AXIN1: variants seen among roughly 807,000 people sequenced by gnomAD.
AXIN1 encodes the protein axin-1.
Under a neutral mutation model 76.4 loss-of-function variants are expected in AXIN1, and 30 were observed. The ratio of observed to expected loss-of-function variants is 0.39; its 90% CI spans 0.29 to 0.53. AXIN1 has a LOEUF of 0.53. Among genes scored for constraint, AXIN1 ranks in the 20% least tolerant of loss-of-function variants. The pLI is 0.66. For synonymous variants in AXIN1, 545 were observed against 501.4 expected (o/e 1.09, Z -1.16); for missense variants, 1,140 against 1,198.8 (o/e 0.95, Z 0.72).
chr16:297,327 T>C (rs1036316821), intron 6 of AXIN1, 101 bp from the exon 7 acceptor site: 1 of 1,501,248 alleles, frequency 6.7e-7, no homozygotes. Context: ...AAGGCTCCCG[T>C]GGTGCAGCCG....
intron 2 of AXIN1, among the ~76,000 whole-genome samples, chr16:322,691 G>A (rs2053485932): frequency 6.6e-6 from 1 of 152,230 alleles, no homozygotes; most frequent in South Asian, 2.1e-4. Context: ...GAGGATGGTG[G>A]GTGAATCCTA....
At chr16:294,625 G>T (rs1260567446) in intron 7 of AXIN1, among the ~76,000 whole-genome samples, 1 of 151,270 alleles carries the variant, frequency 6.6e-6, no homozygotes, top group African/African-American at 2.4e-5. Flanking sequence ...CATAATAGTG[G>T]GTGCCTGTAA....
chr16:293,460 C>T lies in AXIN1; in HGVS notation c.2186+28G>A, dbSNP rs995675589. On this transcript the variant is annotated intron_variant, in intron 8 of 10. Transcript: ENST00000262320. This position sits in a 1 kb window ranked among gnomAD's most constrained non-coding sequence, Gnocchi z 4.6. The stretch of plus-strand genomic sequence containing the variant: ...AGTGGTGCTGTGGTAACCCCCAAGA[C>T]CCACCCCACCCCACGACGCGGCCGT... The T allele has an allele frequency of 1.3e-6, 2 of 1,597,450 alleles. No individual in the cohort carries two copies. The highest frequency in any genetic ancestry group is 1.3e-5 in the African/African-American group (1 of 74,782).
chr16:307,656 T>C (rs774655598), intron 4 of AXIN1, among the ~76,000 whole-genome samples: 8 of 152,194 alleles, frequency 5.3e-5, no homozygotes, highest in Non-Finnish European at 4.4e-5. Context: ...TGGGCCTCCG[T>C]GGGTGCAGCC....
intron 4 of AXIN1, 67 bp from the exon 5 acceptor site, chr16:304,508 G>A (rs1597017160): frequency 1.2e-6 from 2 of 1,605,978 alleles, no homozygotes; most frequent in South Asian, 1.1e-5. Flanking sequence ...CTTTGTGAAG[G>A]GAAAGAGCGT....
chr16:326,394 T>TATATATATATACACACAC (rs144093618), intron 2 of AXIN1, among the ~76,000 whole-genome samples: 2 of 119,654 alleles, frequency 1.7e-5, no homozygotes, highest in Non-Finnish European at 3.4e-5. Flanking sequence ...TATATATATA[T>TATATATATATACACACAC]ACACACCTAT....
chr16:297,094 C>T lies in AXIN1; in HGVS notation c.1917G>A (p.Gly639=), dbSNP rs1460682412. ...NQKIMQWIIE[G]EKEISRHRRT... ...TGCGGTGCCTGCTGATCTCCTTTTC[C>T]CCCTCAATGATCCACTGCATGATTT... Residue 639 remains glycine (G), a synonymous_variant, in exon 7 of 11, where the codon GGG becomes GGA. Transcript: ENST00000262320. The T allele has an allele frequency of 1.2e-6, 2 of 1,612,670 alleles. No individual in the cohort carries two copies. Among genetic ancestry groups the T allele is most frequent in the Non-Finnish European group, 8.5e-7 (1 of 1,179,924 alleles).
At chr16:343,944 G>A (rs918360730) in intron 2 of AXIN1, among the ~76,000 whole-genome samples, 1 of 150,916 alleles carries the variant, frequency 6.6e-6, no homozygotes, top group Non-Finnish European at 1.5e-5. Flanking sequence ...AAGTTGCAGT[G>A]AGCCGAGATA....
At chr16:349,482 A>C (rs1203910208) in intron 1 of AXIN1, among the ~76,000 whole-genome samples, 4 of 152,204 alleles carry the variant, frequency 2.6e-5, no homozygotes, top group Non-Finnish European at 5.9e-5. Context: ...ATGTACTACC[A>C]TTCACTAGCT....
At chr16:332,393 C>G (rs568975726) in intron 2 of AXIN1, among the ~76,000 whole-genome samples, 1 of 151,668 alleles carries the variant, frequency 6.6e-6, no homozygotes, top group Non-Finnish European at 1.5e-5. Flanking sequence ...CTGGCTAACA[C>G]AGTGAAACCC....
rs1160412100 is a variant in AXIN1, at chr16:287,881, T to C, written c.*241A>G. On this transcript the variant is annotated 3_prime_UTR_variant, in exon 11 of 11. Transcript: ENST00000262320. ...GGGACCTCGGCTGCCTCACTTGGGCTGGGCCCTCCAAGTATTGCTATGAGG... is the reference window on the plus strand; with the variant it reads ...GGGACCTCGGCTGCCTCACTTGGGCCGGGCCCTCCAAGTATTGCTATGAGG... 7 of 622,740 alleles carry C rather than the reference T, an allele frequency of 1.1e-5. No homozygotes were observed. The highest frequency in any genetic ancestry group is 2.0e-5 in the Non-Finnish European group (7 of 357,998). The allele number at this position is 622,740 out of a possible 1,614,324, so 38.6% of individuals were successfully genotyped here.
chr16:325,748 C>G (rs924691834), intron 2 of AXIN1, among the ~76,000 whole-genome samples: 2 of 152,222 alleles, frequency 1.3e-5, no homozygotes, highest in Non-Finnish European at 2.9e-5. Flanking sequence ...TTCCCCAACA[C>G]GGCACCTTGC....
chr16:317,276 G>A (rs1444877828), intron 2 of AXIN1, among the ~76,000 whole-genome samples: 5 of 152,212 alleles, frequency 3.3e-5, no homozygotes, highest in African/African-American at 4.8e-5. Context: ...GCTGGGCAGG[G>A]CCTCGCTGCA....
Position 289,573 on chromosome 16 carries a change from C to G in AXIN1, c.2329G>C (p.Ala777Pro), listed in dbSNP as rs757222355. The G allele has an allele frequency of 1.2e-6, 2 of 1,612,934 alleles. No individual in the cohort carries two copies. The highest frequency in any genetic ancestry group is 1.7e-6 in the Non-Finnish European group (2 of 1,180,004). The change falls in exon 10 of 11, where the codon GCC becomes CCC. Residue 777 changes from alanine (A) to proline (P), a missense_variant. Physicochemically the swap from Ala to Pro is conservative, Grantham distance 27 (BLOSUM62 -1). Coordinates refer to ENST00000262320, the MANE Select transcript of AXIN1 (RefSeq NM_003502.4). ...RSQRKVGGGS[A>P]QPCDSIVVAY... is the part of the protein sequence containing the mutation. ...ACAACGATGCTGTCACACGGCTGGG[C>G]ACTCCCGCCGCCCACCTTCCTCTGC...
chr16:322,318 T>A (rs938815518), intron 2 of AXIN1, among the ~76,000 whole-genome samples: 1 of 152,170 alleles, frequency 6.6e-6, no homozygotes, highest in African/African-American at 2.4e-5. Flanking sequence ...GGTAGTGCGG[T>A]CTAACGGGAG....
intron 1 of AXIN1, among the ~76,000 whole-genome samples, chr16:352,034 G>A (rs1043228873): frequency 5.3e-5 from 8 of 152,004 alleles, no homozygotes; most frequent in African/African-American, 1.9e-4. Flanking sequence ...CGCGGCCTCG[G>A]CGAGGGCGGG....
intron 2 of AXIN1, among the ~76,000 whole-genome samples, chr16:318,645 G>C (rs2053359993): frequency 6.6e-6 from 1 of 152,226 alleles, no homozygotes; most frequent in Non-Finnish European, 1.5e-5. Context: ...GTGGCGGGAG[G>C]GGCATGTGCT....
intron 1 of AXIN1, among the ~76,000 whole-genome samples, chr16:349,890 C>G (rs979725229): frequency 1.3e-5 from 2 of 152,120 alleles, no homozygotes; most frequent in African/African-American, 4.8e-5. Context: ...CCTCAGCTTC[C>G]CAGGCTCAAG....
At position 320,805 on chromosome 16, in the gene AXIN1, T is replaced by C. The variant is rs921846770; in HGVS notation, c.879-6122A>G. On this transcript the variant is annotated intron_variant, in intron 2 of 10. Coordinates refer to ENST00000262320, the MANE Select transcript of AXIN1 (RefSeq NM_003502.4). ...CCCAGACTGGAGTGCAGTGGCGCGA[T>C]CTCGGCTCACTACAACCTCCGCCTC... Among the ~76,000 whole-genome samples the C allele has an allele frequency of 1.4e-4, 9 of 62,596 alleles. 1 individual carries two copies. The highest frequency in any genetic ancestry group is 7.3e-4 in the African/African-American group (8 of 10,954). 41.1% of individuals were successfully genotyped at this position (62,596 alleles called of 152,430 possible). A position where few individuals can be genotyped will look rare whatever the true frequency, so the allele number is the denominator to read the frequency against.
Sources: gnomAD v4.1 joint callset for allele counts (sites outside exome capture counted in the v4.1 genomes callset) on GRCh38, gnomAD v4.1.1 for gene constraint, Gnocchi (gnomAD v3.1) non-coding constraint, MANE v1.5 for transcripts, NCBI Gene and HGNC (gene_info 2026-07-23, HGNC 2026-07-21) for gene names.